SOX7: variants seen among roughly 807,000 people sequenced by gnomAD.
SOX7 encodes the protein transcription factor SOX-7.
SOX7 carries 19 observed loss-of-function variants against 24.9 expected under a neutral mutation model. That is an observed-to-expected ratio of 0.76 (90% CI 0.53 to 1.12). SOX7 has a LOEUF of 1.12. SOX7 is among the 50% of genes most tolerant of loss of function. SOX7 has a pLI of 0.00. For synonymous variants in SOX7, 327 were observed against 244.5 expected (o/e 1.34, Z -3.15); for missense variants, 702 against 535.0 (o/e 1.31, Z -3.08).
chr8:10,728,440 G>A (rs1273985896), intron 1 of SOX7, among the ~76,000 whole-genome samples: 1 of 152,228 alleles, frequency 6.6e-6, no homozygotes, highest in Non-Finnish European at 1.5e-5. Context: ...CACAGGTGGA[G>A]GGGATCATCC....
At chr8:10,729,916 C>T (rs1410911150) in intron 1 of SOX7, among the ~76,000 whole-genome samples, 1 of 152,090 alleles carries the variant, frequency 6.6e-6, no homozygotes, top group East Asian at 1.9e-4. Flanking sequence ...CCCGTCTCCC[C>T]GCCCCCTGGG....
rs1437599782 is a variant in SOX7, at chr8:10,725,534, G to A, written c.*204C>T. 4 of 599,390 alleles carry A rather than the reference G, an allele frequency of 6.7e-6. No homozygotes were observed. The highest frequency in any genetic ancestry group is 1.2e-5 in the Non-Finnish European group (4 of 338,258). 37.1% of individuals were successfully genotyped at this position (599,390 alleles called of 1,614,324 possible). ...AAGGAATATACTTAAAATGTGGGCT[G>A]CAGGGGCTGGAACGTGGGGAAGGGG... On this transcript the variant is annotated 3_prime_UTR_variant, in exon 2 of 2. Transcript: ENST00000304501.
At position 10,726,647 on chromosome 8, in the gene SOX7, C is replaced by G. The variant is rs1800162302; in HGVS notation, c.258G>C (p.Leu86=). The G allele has an allele frequency of 1.9e-6, 3 of 1,578,794 alleles. No homozygotes were observed. The highest frequency in any genetic ancestry group is 2.6e-6 in the Non-Finnish European group (3 of 1,166,728). Residue 86 remains leucine, a synonymous_variant, in exon 2 of 2, where the codon CTG becomes CTC. Coordinates refer to ENST00000304501, the MANE Select transcript of SOX7 (RefSeq NM_031439.4). ...SKMLGKSWKA[L]TLSQKRPYVD... Reference sequence around the variant, plus strand: ...CGTACGGCCTCTTCTGGGACAGCGTCAGCGCCTTCCACGACTTTCCTGCTC... The same window carrying G: ...CGTACGGCCTCTTCTGGGACAGCGTGAGCGCCTTCCACGACTTTCCTGCTC...
At position 10,725,678 on chromosome 8, in the gene SOX7, G is replaced by A. The variant is rs550129825; in HGVS notation, c.*60C>T. The A allele has an allele frequency of 2.5e-6, 4 of 1,580,352 alleles. No individual in the cohort carries two copies. Among genetic ancestry groups the A allele is most frequent in the African/African-American group, 2.7e-5 (2 of 74,432 alleles). On this transcript the variant is annotated 3_prime_UTR_variant, in exon 2 of 2. Transcript: ENST00000304501. ...GCTGGTGTGGCTGGACGGCTCCTCT[G>A]CCACTCAAGGCACAAGAAGGAGAGG...
At chr8:10,728,409 A>G (rs1800196220) in intron 1 of SOX7, among the ~76,000 whole-genome samples, 1 of 152,224 alleles carries the variant, frequency 6.6e-6, no homozygotes, top group Admixed American at 6.5e-5. Flanking sequence ...CAGAAAGGAA[A>G]GAGCTGAGAA....
Position 10,725,901 on chromosome 8 carries a change from T to C in SOX7, c.1004A>G (p.Tyr335Cys). Reference sequence around the variant, plus strand: ...GTCTGGGTGGCCAGGAGTGTTCAAATACTGGTCGAATTCATTGCGATCCAT... The same window carrying C: ...GTCTGGGTGGCCAGGAGTGTTCAAACACTGGTCGAATTCATTGCGATCCAT... The part of the protein sequence containing the change: ...GDMDRNEFDQ[Y>C]LNTPGHPDSA... Residue 335 changes from tyrosine (Y) to cysteine (C), a missense_variant, in exon 2 of 2, where the codon TAT (tyrosine) becomes TGT (cysteine). Tyr to Cys is a radical substitution (Grantham distance 194). Transcript: ENST00000304501. 6.2e-7 allele frequency: 1 copy of C among 1,614,176 alleles called. No homozygotes were observed. Among genetic ancestry groups the C allele is most frequent in the Non-Finnish European group, 8.5e-7 (1 of 1,180,024 alleles).
chr8:10,729,266 G>C (rs1800213922), intron 1 of SOX7: 1 of 152,272 alleles, frequency 6.6e-6, no homozygotes, highest in Admixed American at 6.5e-5. Context: ...GGTGGGGTTT[G>C]GGAAGGGTAG....
Position 10,726,609 on chromosome 8 carries a change from TCCG to T in SOX7, c.293_295del (p.Ala98del). On this transcript the variant is annotated inframe_deletion, in exon 2 of 2. Transcript: ENST00000304501. The stretch of plus-strand genomic sequence containing the variant: ...CTGCATGTGCTGCAGGCGCAGCCGC[TCCG>T]CCTCGTCCACGTACGGCCTCTTCTG... 1 of 1,606,802 alleles carries T rather than the reference TCCG, an allele frequency of 6.2e-7. No homozygotes were observed. The highest frequency in any genetic ancestry group is 8.5e-7 in the Non-Finnish European group (1 of 1,179,192).
Position 10,726,274 on chromosome 8 carries a change from C to A in SOX7, c.631G>T (p.Asp211Tyr). ...AAGGTCTGCTCCGGCTCCAGCACGT[C>A]CAGGGGAGACATTTCAGGAGGTGTG... The part of the protein sequence containing the change: ...LPTPPEMSPL[D>Y]VLEPEQTFFS... Residue 211 changes from aspartate to tyrosine, a missense_variant, in exon 2 of 2, where the codon GAC becomes TAC. By Grantham distance (160) the Asp-to-Tyr change is radical. Coordinates refer to ENST00000304501, the MANE Select transcript of SOX7 (RefSeq NM_031439.4). 1.2e-6 allele frequency: 2 copies of A among 1,613,872 alleles called. No individual in the cohort carries two copies. The highest frequency in any genetic ancestry group is 1.7e-6 in the Non-Finnish European group (2 of 1,179,968).
In SOX7 at chr8:10,725,401, A is replaced by G. The variant is rs192655694; in HGVS notation, c.*337T>C. The stretch of plus-strand genomic sequence containing the variant: ...AACTGGACCAGAAGGGACCTTGGCT[A>G]TCAAGTCTGTCCCCCCATTAGTTTC... On this transcript the variant is annotated 3_prime_UTR_variant, in exon 2 of 2. Transcript: ENST00000304501. 120 of 329,760 alleles carry G rather than the reference A, an allele frequency of 3.6e-4. No individual in the cohort carries two copies. The highest frequency in any genetic ancestry group is 2.5e-3 in the African/African-American group (116 of 46,988). 20.4% of individuals were successfully genotyped at this position (329,760 alleles called of 1,614,324 possible). A position where few individuals can be genotyped will look rare whatever the true frequency, so the allele number is the denominator to read the frequency against.
In SOX7 at chr8:10,725,378, C is replaced by A; in HGVS notation, c.*360G>T. On this transcript the variant is annotated 3_prime_UTR_variant, in exon 2 of 2. Transcript: ENST00000304501. ...CTTGAGAGAACCCTAAATCAGAAAA[C>A]TGGACCAGAAGGGACCTTGGCTATC... The A allele has an allele frequency of 3.8e-6, 1 of 265,732 alleles. No homozygotes were observed. Among genetic ancestry groups the A allele is most frequent in the Non-Finnish European group, 7.2e-6 (1 of 139,784 alleles). 16.5% of individuals were successfully genotyped at this position (265,732 alleles called of 1,614,324 possible). A position where few individuals can be genotyped will look rare whatever the true frequency, so the allele number is the denominator to read the frequency against.
rs534116484 is a variant in SOX7, at chr8:10,724,315, G to C, written c.*1423C>G. On this transcript the variant is annotated 3_prime_UTR_variant, in exon 2 of 2. Transcript: ENST00000304501. Reference sequence around the variant, plus strand: ...AGCACTGGCTGAGGACTTTGCCTGAGGACCTGGCTGGTGAGGAAGACAAAT... The same window carrying C: ...AGCACTGGCTGAGGACTTTGCCTGACGACCTGGCTGGTGAGGAAGACAAAT... 3.3e-4 allele frequency: 50 copies of C among 152,330 alleles called. No homozygotes were observed. The highest frequency in any genetic ancestry group is 1.2e-3 in the African/African-American group (48 of 41,566). 9.4% of individuals were successfully genotyped at this position (152,330 alleles called of 1,614,324 possible).
At chr8:10,726,884 C>G (rs1463167549) in intron 1 of SOX7, among the ~76,000 whole-genome samples, 1 of 152,154 alleles carries the variant, frequency 6.6e-6, no homozygotes, top group Non-Finnish European at 1.5e-5. Flanking sequence ...AAAGCCAGAT[C>G]GTGCACGGTG....
rs143936405 is a variant in SOX7, at chr8:10,726,644, C to T, written c.261G>A (p.Thr87=). 43 of 1,582,344 alleles carry T rather than the reference C, an allele frequency of 2.7e-5. No individual in the cohort carries two copies. The African/African-American group carries it at 4.7e-4, about 17-fold the overall frequency. The change falls in exon 2 of 2, where the codon ACG becomes ACA. Residue 87 remains threonine, a synonymous_variant. Coordinates refer to ENST00000304501, the MANE Select transcript of SOX7 (RefSeq NM_031439.4). ...CCACGTACGGCCTCTTCTGGGACAG[C>T]GTCAGCGCCTTCCACGACTTTCCTG... ...KMLGKSWKAL[T]LSQKRPYVDE... is the part of the protein sequence containing the mutation.
intron 1 of SOX7, among the ~76,000 whole-genome samples, chr8:10,726,976 C>T (rs954329428): frequency 1.3e-5 from 2 of 152,220 alleles, no homozygotes; most frequent in African/African-American, 4.8e-5. Context: ...GAAAAGCCCA[C>T]CTGACCATAT....
rs746671600 is a variant in SOX7, at chr8:10,725,944, C to G, written c.961G>C (p.Val321Leu). The change falls in exon 2 of 2, where the codon GTG becomes CTG. Residue 321 changes from valine (V) to leucine (L), a missense_variant. Val to Leu is a conservative substitution (Grantham distance 32). Transcript: ENST00000304501. ...CGATCCATGTCCCCCAGGAGTTCCA[C>G]CTGGCTCAGTTGATCCAGGGCGTCG... is the stretch of plus-strand genomic sequence containing the variant. The part of the protein sequence containing the change: ...GFDALDQLSQ[V>L]ELLGDMDRNE... 6.2e-7 allele frequency: 1 copy of G among 1,613,354 alleles called. No individual in the cohort carries two copies. Among genetic ancestry groups the G allele is most frequent in the Non-Finnish European group, 8.5e-7 (1 of 1,179,380 alleles).
rs1198162391 is a variant in SOX7, at chr8:10,730,125, G to T, written c.238+71C>A. 2.5e-6 allele frequency: 3 copies of T among 1,195,460 alleles called. No individual in the cohort carries two copies. Among genetic ancestry groups the T allele is most frequent in the Non-Finnish European group, 3.2e-6 (3 of 924,304 alleles). The allele number at this position is 1,195,460 out of a possible 1,614,324, so 74.1% of individuals were successfully genotyped here. On this transcript the variant is annotated intron_variant, in intron 1 of 1. Transcript: ENST00000304501. The surrounding 1 kb of genome is among the most constrained non-coding windows in gnomAD (Gnocchi z 4.8). ...TTCCCCAGGCTCCGCGCTCGCACCC[G>T]CCCTGCAGTGCCGCCAGCCGCCCGC...
chr8:10,726,732 G>T, intron 1 of SOX7, 66 bp from the exon 2 acceptor site: 1 of 1,408,836 alleles, frequency 7.1e-7, no homozygotes, highest in Non-Finnish European at 9.5e-7. Context: ...ACATGCACAC[G>T]CGTGCACACA....
rs1800153737 is a variant in SOX7 at position 10,726,375 on chromosome 8, C to G, written c.530G>C (p.Cys177Ser). ...ACCACCAGCCGGCCCCTCGTGGTAG[C>G]AGCCCCGGAGGCTGGGCAGGGCAGT... ...PGTALPSLRG[C>S]YHEGPAGGGG... Residue 177 changes from cysteine to serine, a missense_variant, in exon 2 of 2, where the codon TGC becomes TCC. By Grantham distance (112) the Cys-to-Ser change is moderately radical. Transcript: ENST00000304501. The G allele has an allele frequency of 6.2e-7, 1 of 1,612,524 alleles. No individual in the cohort carries two copies. The highest frequency in any genetic ancestry group is 8.5e-7 in the Non-Finnish European group (1 of 1,179,466).
Sources: gnomAD v4.1 joint callset for allele counts (sites outside exome capture counted in the v4.1 genomes callset) on GRCh38, gnomAD v4.1.1 for gene constraint, Gnocchi (gnomAD v3.1) non-coding constraint, MANE v1.5 for transcripts, NCBI Gene and HGNC (gene_info 2026-07-23, HGNC 2026-07-21) for gene names.